WDR11: variants seen among roughly 807,000 people sequenced by gnomAD.
WDR11 encodes WD repeat-containing protein 11.
In WDR11, 83 loss-of-function variants were observed where a neutral mutation model predicts 151.2. The observed-to-expected ratio is 0.55, with a 90% confidence interval of 0.46 to 0.66. The LOEUF (loss-of-function observed/expected upper bound fraction) is 0.66. Among genes scored for constraint, WDR11 ranks in the 30% least tolerant of loss-of-function variants. The pLI, the probability that WDR11 is intolerant of heterozygous loss-of-function variation, is 0.00. For missense variants in WDR11, 1,301 were observed against 1,480.9 expected (o/e 0.88, Z 1.99); for synonymous variants, 484 against 533.1 (o/e 0.91, Z 1.27).
At chr10:120,902,408 G>T in intron 22 of WDR11, 86 bp downstream of exon 22, 1 of 1,178,734 alleles carries the variant, frequency 8.5e-7, no homozygotes, top group Non-Finnish European at 1.2e-6. Context: ...GAAACACTTA[G>T]ATTTTAGAAA....
intron 2 of WDR11, among the ~76,000 whole-genome samples, chr10:120,854,981 TCATA>T (rs1845899735): frequency 6.6e-6 from 1 of 152,178 alleles, no homozygotes; most frequent in African/African-American, 2.4e-5. Flanking sequence ...GTGCTTTTTC[TCATA>T]CATACTTACT....
intron 12 of WDR11, chr10:120,879,930 C>A (rs1846939285): frequency 6.6e-6 from 1 of 152,170 alleles, no homozygotes; most frequent in Non-Finnish European, 1.5e-5. Flanking sequence ...AATCATGTAA[C>A]TTCCTTTGCG....
chr10:120,903,387 G>A (rs1847904355), intron 23 of WDR11, among the ~76,000 whole-genome samples, 155 bp downstream of exon 23: 1 of 152,012 alleles, frequency 6.6e-6, no homozygotes, highest in South Asian at 2.1e-4. Context: ...GCACGTGCCT[G>A]TAGTCCCAGC....
At chr10:120,864,948 T>A in intron 5 of WDR11, 99 bp from the exon 6 acceptor site, 1 of 1,428,572 alleles carries the variant, frequency 7.0e-7, no homozygotes, top group South Asian at 1.2e-5. Context: ...GTTGTACATT[T>A]TTATTGTCAA....
At position 120,909,175 on chromosome 10, in the gene WDR11, C is replaced by T. The variant is rs149832970; in HGVS notation, c.*462C>T. The T allele has an allele frequency of 2.5e-3, 424 of 166,554 alleles. No individual in the cohort carries two copies. The highest frequency in any genetic ancestry group is 4.5e-3 in the Non-Finnish European group (337 of 75,484). The allele number at this position is 166,554 out of a possible 1,614,324, so 10.3% of individuals were successfully genotyped here. A position where few individuals can be genotyped will look rare whatever the true frequency, so the allele number is the denominator to read the frequency against. On this transcript the variant is annotated 3_prime_UTR_variant, in exon 29 of 29. Transcript: ENST00000263461. ...TACAAACAAGGCAGAAACATTTAAA[C>T]TAGTATTAAAGGTAGTTTACCAAAG...
Position 120,889,295 on chromosome 10 carries a change from T to C in WDR11, c.2228+111T>C, listed in dbSNP as rs546320430. On this transcript the variant is annotated intron_variant, in intron 17 of 28. Transcript: ENST00000263461. ...CTCTGTCGCCCAGGCTGGAGTGCAG[T>C]GGTGCAATCTCGGCTCACTGCAAGC... The C allele has an allele frequency of 1.2e-5, 10 of 812,528 alleles. No homozygotes were observed. In the African/African-American group the frequency reaches 1.4e-4, roughly 11 times the overall value. The allele number at this position is 812,528 out of a possible 1,614,324, so 50.3% of individuals were successfully genotyped here. A position where few individuals can be genotyped will look rare whatever the true frequency, so the allele number is the denominator to read the frequency against.
intron 12 of WDR11, chr10:120,879,246 A>G (rs1846911948): frequency 6.6e-6 from 1 of 152,330 alleles, no homozygotes; most frequent in Admixed American, 6.5e-5. Flanking sequence ...AATGAAGTAC[A>G]TGGTTGCTTT....
intron 22 of WDR11, 81 bp downstream of exon 22, chr10:120,902,403 A>C: frequency 1.6e-6 from 2 of 1,266,208 alleles, no homozygotes; most frequent in South Asian, 1.3e-5. Flanking sequence ...AGTTAGAAAC[A>C]CTTAGATTTT....
rs973575434 is a variant in WDR11 at position 120,889,807 on chromosome 10, A to G, written c.2229-88A>G. The G allele has an allele frequency of 4.4e-5, 40 of 911,274 alleles. No homozygotes were observed. In the Admixed American group the frequency reaches 5.8e-4, roughly 13 times the overall value. The allele number at this position is 911,274 out of a possible 1,614,324, so 56.4% of individuals were successfully genotyped here. A position where few individuals can be genotyped will look rare whatever the true frequency, so the allele number is the denominator to read the frequency against. ...TCTCCCATCATCAGACCTGTTAGAA[A>G]TGGAAATAGTGAGAGATGTTAGACA... On this transcript the variant is annotated intron_variant, in intron 17 of 28. Transcript: ENST00000263461.
At chr10:120,854,101 C>G (rs1454223710) in intron 2 of WDR11, among the ~76,000 whole-genome samples, 2 of 151,964 alleles carry the variant, frequency 1.3e-5, no homozygotes, top group Non-Finnish European at 1.5e-5. Flanking sequence ...TTTAGTATAT[C>G]CACAGTTAAT....
chr10:120,892,368 T>C (rs901020945), intron 19 of WDR11, among the ~76,000 whole-genome samples: 5 of 152,222 alleles, frequency 3.3e-5, no homozygotes, highest in Admixed American at 6.5e-5. Flanking sequence ...TAAATAGCAA[T>C]TGGGAAAGGT....
chr10:120,866,423 G>T lies in WDR11; in HGVS notation c.995-146G>T. 4.8e-6 allele frequency: 4 copies of T among 838,962 alleles called. No individual in the cohort carries two copies. The South Asian group carries it at 6.3e-5, about 13-fold the overall frequency. The allele number at this position is 838,962 out of a possible 1,614,324, so 52.0% of individuals were successfully genotyped here. A position where few individuals can be genotyped will look rare whatever the true frequency, so the allele number is the denominator to read the frequency against. On this transcript the variant is annotated intron_variant, in intron 7 of 28. Transcript: ENST00000263461. ...AATTATATTTGGAAAAAATTTAGTA[G>T]TAATTGTAAAAAGTGAAGCCATGCT...
chr10:120,894,266 G>A lies in WDR11; in HGVS notation c.2515+3379G>A, dbSNP rs73369872. ...CAGTTTTCCCCTCCCCAGTGTTAAAGGCCACTGCTAAGCACATTTTTCCTA... is the reference window on the plus strand; with the variant it reads ...CAGTTTTCCCCTCCCCAGTGTTAAAAGCCACTGCTAAGCACATTTTTCCTA... On this transcript the variant is annotated intron_variant, in intron 19 of 28. Transcript: ENST00000263461. Among the ~76,000 whole-genome samples, 1,364 of 152,196 alleles carry A rather than the reference G, an allele frequency of 9.0e-3. 19 individuals carry two copies. Among genetic ancestry groups the A allele is most frequent in the African/African-American group, 0.031 (1,306 of 41,510 alleles).
chr10:120,880,699 T>G, intron 12 of WDR11, 127 bp from the exon 13 acceptor site: 2 of 818,776 alleles, frequency 2.4e-6, no homozygotes, highest in South Asian at 1.6e-5. Flanking sequence ...TAGAAGCAAA[T>G]GGAAGAATGA....
intron 28 of WDR11, 51 bp downstream of exon 28, chr10:120,906,906 G>A (rs1564727779): frequency 6.2e-7 from 1 of 1,613,378 alleles, no homozygotes; most frequent in Non-Finnish European, 8.5e-7. Flanking sequence ...TGACATGCAT[G>A]GGTTTTGGAA....
At chr10:120,852,893 T>C (rs1176641237) in intron 2 of WDR11, among the ~76,000 whole-genome samples, 7 of 152,218 alleles carry the variant, frequency 4.6e-5, no homozygotes, top group African/African-American at 1.7e-4. Context: ...TTCCTTAGTT[T>C]TGAGCACTTA....
chr10:120,857,374 T>G (rs988112606), intron 2 of WDR11, among the ~76,000 whole-genome samples: 1 of 152,162 alleles, frequency 6.6e-6, no homozygotes, highest in Admixed American at 6.5e-5. Context: ...GATTTTGAGG[T>G]TGCAAATTAT....
At chr10:120,873,067 T>G (rs1019705673) in intron 10 of WDR11, among the ~76,000 whole-genome samples, 2 of 152,194 alleles carry the variant, frequency 1.3e-5, no homozygotes, top group African/African-American at 2.4e-5. Context: ...CCTTTACATT[T>G]AAACTTTAGA....
chr10:120,883,308 T>C (rs542968213), intron 13 of WDR11, among the ~76,000 whole-genome samples: 3 of 152,220 alleles, frequency 2.0e-5, no homozygotes, highest in Non-Finnish European at 4.4e-5. Flanking sequence ...TGAATTGCAC[T>C]CGTTGATGTC....
Sources: allele counts gnomAD v4.1 joint callset (sites outside exome capture counted in the v4.1 genomes callset), GRCh38; gene constraint gnomAD v4.1.1; transcripts MANE v1.5; gene names NCBI Gene and HGNC (gene_info 2026-07-23, HGNC 2026-07-21).